Variants in TRIB2 observed in about 807,000 individuals in gnomAD.
TRIB2 encodes tribbles homolog 2.
Under a neutral mutation model 26.8 loss-of-function variants are expected in TRIB2, and 2 were observed. That is an observed-to-expected ratio of 0.07 (90% confidence interval 0.03 to 0.24). TRIB2 has a LOEUF of 0.24. Ranked by LOEUF, TRIB2 falls within the 10% of genes least tolerant of loss-of-function variation. The probability of loss-of-function intolerance (pLI) is 1.00; values close to 1 mark genes in which losing one functional copy is unlikely to be tolerated. For missense variants in TRIB2, 306 were observed against 449.0 expected, an observed-to-expected ratio of 0.68 and a Z score of 2.88; for synonymous variants, 189 against 187.3, an observed-to-expected ratio of 1.01 and a Z score of -0.08.
chr2:12,733,908 G>A (rs1403139656), intron 2 of TRIB2, among the ~76,000 whole-genome samples: 1 of 152,132 alleles, frequency 6.6e-6, no homozygotes, highest in South Asian at 2.1e-4. Context: ...GGGGCTTTCA[G>A]TGCCGACCTG....
chr2:12,723,167 C>T (rs1661262536), intron 1 of TRIB2, 93 bp from the exon 2 acceptor site: 2 of 1,400,486 alleles, frequency 1.4e-6, no homozygotes, highest in East Asian at 2.3e-5. Flanking sequence ...TCTGTCATCT[C>T]AAAAGCCCAT....
In TRIB2 at chr2:12,732,646, G is replaced by A. The variant is rs963417571; in HGVS notation, c.564-7680G>A. Among the ~76,000 whole-genome samples, 2 of 152,208 alleles carry A rather than the reference G, an allele frequency of 1.3e-5. No individual in the cohort carries two copies. The highest frequency in any genetic ancestry group is 6.5e-5 in the Admixed American group (1 of 15,284). ...CTGTGCATACATGAACCAGAATTAAGTGAACGACAATTTATTTGGCATCGT... is the reference window on the plus strand; with the variant it reads ...CTGTGCATACATGAACCAGAATTAAATGAACGACAATTTATTTGGCATCGT... On this transcript the variant is annotated intron_variant, in intron 2 of 2. Coordinates refer to ENST00000155926, the MANE Select transcript of TRIB2 (RefSeq NM_021643.4). The surrounding 1 kb of genome is among the most constrained non-coding windows in gnomAD (Gnocchi z 4.2).
intron 2 of TRIB2, among the ~76,000 whole-genome samples, chr2:12,733,206 T>G (rs1293639444): frequency 1.3e-5 from 2 of 152,222 alleles, no homozygotes; most frequent in Non-Finnish European, 2.9e-5. Flanking sequence ...ATCTACTTTC[T>G]GTTACCTCAG....
chr2:12,724,783 G>A, intron 2 of TRIB2: 2 of 1,612,536 alleles, frequency 1.2e-6, no homozygotes, highest in East Asian at 4.5e-5. Context: ...TGGCTCTAAG[G>A]TCTTTTCAAT....
intron 2 of TRIB2, among the ~76,000 whole-genome samples, chr2:12,738,006 C>T (rs1355842880): frequency 5.9e-5 from 9 of 152,180 alleles, no homozygotes; most frequent in Non-Finnish European, 1.0e-4. Context: ...CCTTTTCCCA[C>T]GACCACAACT....
At position 12,740,965 on chromosome 2, in the gene TRIB2, G is replaced by A; in HGVS notation, c.*171G>A. 1 of 645,896 alleles carries A rather than the reference G, an allele frequency of 1.5e-6. No homozygotes were observed. Among genetic ancestry groups the A allele is most frequent in the South Asian group, 2.0e-5 (1 of 50,018 alleles). 40.0% of individuals were successfully genotyped at this position (645,896 alleles called of 1,614,324 possible). A position where few individuals can be genotyped will look rare whatever the true frequency, so the allele number is the denominator to read the frequency against. ...GGAGCTGACTGACCACGTAGCATGG[G>A]GGCAAGAGGCGTGGGATGGGGATTG... On this transcript the variant is annotated 3_prime_UTR_variant, in exon 3 of 3. Coordinates refer to ENST00000155926, the MANE Select transcript of TRIB2 (RefSeq NM_021643.4). The surrounding 1 kb of genome is among the most constrained non-coding windows in gnomAD (Gnocchi z 5.8).
At chr2:12,723,587 A>T in intron 2 of TRIB2, 35 bp downstream of exon 2, 1 of 1,594,178 alleles carries the variant, frequency 6.3e-7, no homozygotes, top group Non-Finnish European at 8.6e-7. Context: ...GGGTACTGTG[A>T]TGGACTGCTC....
rs1483918562 is a variant in TRIB2, at chr2:12,717,039, G to A, written c.-1269G>A. 4.6e-6 allele frequency: 1 copy of A among 215,340 alleles called. No individual in the cohort carries two copies. Among genetic ancestry groups the A allele is most frequent in the Non-Finnish European group, 9.1e-6 (1 of 110,492 alleles). The allele number at this position is 215,340 out of a possible 1,614,324, so 13.3% of individuals were successfully genotyped here. A position where few individuals can be genotyped will look rare whatever the true frequency, so the allele number is the denominator to read the frequency against. On this transcript the variant is annotated 5_prime_UTR_variant, in exon 1 of 3. Transcript: ENST00000155926. This position sits in a 1 kb window ranked among gnomAD's most constrained non-coding sequence, Gnocchi z 4.8. The stretch of plus-strand genomic sequence containing the variant: ...AGTAACTATTAATACCGCCTCGCCG[G>A]GGGATGCGGGCGTGCTGAGCGCGGG...
chr2:12,724,719 C>T (rs1661299281), intron 2 of TRIB2: 5 of 1,612,888 alleles, frequency 3.1e-6, no homozygotes, highest in Non-Finnish European at 4.2e-6. Context: ...TCTGTTTCCA[C>T]CCTCCCCCTA....
chr2:12,739,335 C>T (rs1661657919), intron 2 of TRIB2, among the ~76,000 whole-genome samples: 1 of 152,212 alleles, frequency 6.6e-6, no homozygotes, highest in African/African-American at 2.4e-5. Context: ...TCTCAGCTCA[C>T]TGTAACCTCC....
At chr2:12,735,548 G>A (rs1364494119) in intron 2 of TRIB2, among the ~76,000 whole-genome samples, 2 of 152,128 alleles carry the variant, frequency 1.3e-5, no homozygotes, top group Non-Finnish European at 2.9e-5. Flanking sequence ...GACTCTCTGA[G>A]CATTAGGCTC....
Position 12,723,307 on chromosome 2 carries a change from C to T in TRIB2, c.318C>T (p.Cys106=). Residue 106 remains cysteine (C), a synonymous_variant, in exon 2 of 3, where the codon TGC becomes TGT. Coordinates refer to ENST00000155926, the MANE Select transcript of TRIB2 (RefSeq NM_021643.4). ...CYQESLAPCF[C]LSAHSNINQI... ...AGGAATCCCTGGCACCGTGCTTTTG[C>T]CTGTCTGCTCATAGTAACATCAACC... 6.2e-7 allele frequency: 1 copy of T among 1,614,194 alleles called. No homozygotes were observed. The highest frequency in any genetic ancestry group is 8.5e-7 in the Non-Finnish European group (1 of 1,180,038).
intron 2 of TRIB2, chr2:12,724,629 A>G (rs765283592): frequency 1.2e-6 from 2 of 1,611,570 alleles, no homozygotes; most frequent in Admixed American, 1.7e-5. Context: ...TTCCGCTCAG[A>G]TGCCTCTGCC....
intron 2 of TRIB2, among the ~76,000 whole-genome samples, chr2:12,723,825 G>A (rs562592479): frequency 5.3e-5 from 8 of 152,326 alleles, no homozygotes; most frequent in South Asian, 2.1e-4. Context: ...CTTGAATTCC[G>A]AAGGTGGCTG....
Position 12,718,363 on chromosome 2 carries a change from A to G in TRIB2, c.56A>G (p.Asn19Ser), listed in dbSNP as rs1395559730. 6.2e-6 allele frequency: 10 copies of G among 1,614,090 alleles called. No individual in the cohort carries two copies. Among genetic ancestry groups the G allele is most frequent in the African/African-American group, 1.3e-5 (1 of 74,920 alleles). ...ATAGCGAGATATGGGAGATCGCGGA[A>G]CAAAACCCAGGATTTCGAAGAGTTG... ...ITIARYGRSRNKTQDFEELSS... is the reference protein window; with the variant it reads ...ITIARYGRSRSKTQDFEELSS... The change falls in exon 1 of 3, where the codon AAC (asparagine) becomes AGC (serine). Residue 19 changes from asparagine to serine, a missense_variant. Physicochemically the swap from Asn to Ser is conservative, Grantham distance 46. Coordinates refer to ENST00000155926, the MANE Select transcript of TRIB2 (RefSeq NM_021643.4). This position sits in a 1 kb window ranked among gnomAD's most constrained non-coding sequence, Gnocchi z 4.0.
At chr2:12,719,094 G>T (rs1666666370) in intron 1 of TRIB2, among the ~76,000 whole-genome samples, 1 of 152,156 alleles carries the variant, frequency 6.6e-6, no homozygotes, top group African/African-American at 2.4e-5. Flanking sequence ...GGGGCCCAGC[G>T]CAGGGAAGGA....
At chr2:12,738,991 A>C (rs1661647899) in intron 2 of TRIB2, among the ~76,000 whole-genome samples, 2 of 152,114 alleles carry the variant, frequency 1.3e-5, no homozygotes, top group South Asian at 4.1e-4. Flanking sequence ...GGAGAGTCCT[A>C]CTTTCCTGTC....
chr2:12,720,220 A>C (rs1432372425), intron 1 of TRIB2, among the ~76,000 whole-genome samples: 1 of 152,222 alleles, frequency 6.6e-6, no homozygotes, highest in Non-Finnish European at 1.5e-5. Flanking sequence ...CAGATTTTGC[A>C]AGACATATTT....
intron 2 of TRIB2, among the ~76,000 whole-genome samples, chr2:12,735,356 C>T (rs892654701): frequency 2.0e-5 from 3 of 152,102 alleles, no homozygotes; most frequent in Middle Eastern, 3.2e-3. Context: ...GGCTCCTGCC[C>T]CAAGGATTGG....
Sources: allele counts gnomAD v4.1 joint callset (sites outside exome capture counted in the v4.1 genomes callset), GRCh38; gene constraint gnomAD v4.1.1; non-coding constraint Gnocchi (gnomAD v3.1); transcripts MANE v1.5; gene names NCBI Gene and HGNC (gene_info 2026-07-23, HGNC 2026-07-21).